TTBK2: variants seen among roughly 807,000 people sequenced by gnomAD.
TTBK2 encodes tau tubulin kinase 2.
A neutral mutation model predicts 110.8 loss-of-function variants in TTBK2; 28 were observed. The observed-to-expected ratio is 0.25, with a 90% confidence interval of 0.19 to 0.35. The LOEUF is 0.35. Among genes scored for constraint, TTBK2 ranks in the 10% least tolerant of loss-of-function variants. The probability of loss-of-function intolerance (pLI) is 1.00; values close to 1 mark genes in which losing one functional copy is unlikely to be tolerated. For missense variants in TTBK2, 1,369 were observed against 1,500.3 expected (o/e 0.91, Z 1.45); for synonymous variants, 532 against 527.3 (o/e 1.01, Z -0.12).
At chr15:42,832,081 G>A (rs1049269373) in intron 4 of TTBK2, among the ~76,000 whole-genome samples, 2 of 151,996 alleles carry the variant, frequency 1.3e-5, no homozygotes, top group Non-Finnish European at 2.9e-5. Context: ...AATTAATTGG[G>A]ATTTACCATA....
intron 10 of TTBK2, among the ~76,000 whole-genome samples, chr15:42,791,173 G>A (rs534532669): frequency 6.6e-6 from 1 of 151,816 alleles, no homozygotes; most frequent in East Asian, 1.9e-4. Flanking sequence ...CGTGAGCCAC[G>A]GTGCCTGGCC....
chr15:42,878,140 A>AT (rs1246280133), intron 2 of TTBK2, among the ~76,000 whole-genome samples: 5 of 146,178 alleles, frequency 3.4e-5, no homozygotes, highest in African/African-American at 7.7e-5. Flanking sequence ...CGCCCAGCTA[A>AT]TTTTTTTTGC....
rs34920950 is a variant in TTBK2 at position 42,817,281 on chromosome 15, T to A, written c.538-184A>T. 0.13 allele frequency among the ~76,000 whole-genome samples: 19,335 copies of A among 147,866 alleles called. 1,382 individuals are homozygous for A. Among genetic ancestry groups the A allele is most frequent in the South Asian group, 0.24 (1,104 of 4,696 alleles). ...AGAGATTATCTCTAAATCACATCTT[T>A]AAAAAAAAAAACTGATAAAATTTTA... On this transcript the variant is annotated intron_variant, in intron 6 of 14. Coordinates refer to ENST00000267890, the MANE Select transcript of TTBK2 (RefSeq NM_173500.4).
At position 42,828,451 on chromosome 15, in the gene TTBK2, C is replaced by T. The variant is rs545426092; in HGVS notation, c.433-419G>A. ...CTATAAGCAGCCAGGTGCGGTGACT[C>T]ACGCCTATACTCCCAGCATTTTGGG... is the stretch of plus-strand genomic sequence containing the variant. On this transcript the variant is annotated intron_variant, in intron 5 of 14. Transcript: ENST00000267890. 2.0e-5 allele frequency among the ~76,000 whole-genome samples: 3 copies of T among 151,202 alleles called. No homozygotes were observed. The East Asian group carries it at 5.8e-4, about 29-fold the overall frequency.
intron 14 of TTBK2, among the ~76,000 whole-genome samples, chr15:42,750,899 G>C (rs567462144): frequency 2.0e-5 from 3 of 152,244 alleles, no homozygotes; most frequent in African/African-American, 7.2e-5. Flanking sequence ...GAAACATTGA[G>C]GCTGGAAGTA....
intron 2 of TTBK2, among the ~76,000 whole-genome samples, chr15:42,874,298 CTTTA>C (rs919151985): frequency 6.6e-6 from 1 of 151,622 alleles, no homozygotes; most frequent in African/African-American, 2.4e-5. Flanking sequence ...CATAATCCTT[CTTTA>C]TTTTTTTATT....
chr15:42,834,514 C>T (rs1345525261), intron 4 of TTBK2, among the ~76,000 whole-genome samples: 2 of 151,984 alleles, frequency 1.3e-5, no homozygotes. Flanking sequence ...CTCAGTGTGG[C>T]ACCAAAAAAT....
intron 13 of TTBK2, among the ~76,000 whole-genome samples, chr15:42,763,163 T>TACATACATATATATATATAC (rs1567008839): frequency 1.0e-3 from 12 of 11,806 alleles, no homozygotes; most frequent in African/African-American, 4.3e-3. Context: ...TATACATATA[T>TACATACATATATATATATAC]ATATATATAT....
At chr15:42,884,200 C>T (rs1294133022) in intron 1 of TTBK2, among the ~76,000 whole-genome samples, 21 of 152,166 alleles carry the variant, frequency 1.4e-4, no homozygotes, top group Admixed American at 1.4e-3. Context: ...CTGAAGACTT[C>T]ACTCTTTTCC....
Position 42,751,926 on chromosome 15 carries a change from A to G in TTBK2, c.3272+48T>C, listed in dbSNP as rs1231951177. 3 of 1,604,070 alleles carry G rather than the reference A, an allele frequency of 1.9e-6. No homozygotes were observed. In the Admixed American group the frequency reaches 5.0e-5, roughly 27 times the overall value. ...ATTGGTGGACTACAATAAAGCAGAT[A>G]TAGAAATGGTGTTACACACTTAACA... On this transcript the variant is annotated intron_variant, in intron 14 of 14. Coordinates refer to ENST00000267890, the MANE Select transcript of TTBK2 (RefSeq NM_173500.4).
chr15:42,911,122 T>C (rs1429712949), intron 1 of TTBK2, among the ~76,000 whole-genome samples: 1 of 151,298 alleles, frequency 6.6e-6, no homozygotes, highest in Non-Finnish European at 1.5e-5. Flanking sequence ...ATACAAAAAA[T>C]TGAACGGGGA....
intron 7 of TTBK2, among the ~76,000 whole-genome samples, chr15:42,815,034 T>C (rs540615789): frequency 6.6e-6 from 1 of 152,212 alleles, no homozygotes; most frequent in Non-Finnish European, 1.5e-5. Flanking sequence ...TTAGAATCCC[T>C]GAAAATACTT....
chr15:42,783,739 A>C, intron 10 of TTBK2, 104 bp from the exon 11 acceptor site: 2 of 821,906 alleles, frequency 2.4e-6, no homozygotes, highest in Non-Finnish European at 3.7e-6. Context: ...CATAATTAAG[A>C]GAGTTAAAAA....
intron 14 of TTBK2, among the ~76,000 whole-genome samples, chr15:42,747,264 C>T (rs2061805354): frequency 6.6e-6 from 1 of 152,162 alleles, no homozygotes; most frequent in Admixed American, 6.5e-5. Context: ...CGTAGTGCCC[C>T]GGCCCTTGGG....
chr15:42,896,015 T>G (rs896182131), intron 1 of TTBK2, among the ~76,000 whole-genome samples: 1 of 152,040 alleles, frequency 6.6e-6, no homozygotes, highest in Admixed American at 6.6e-5. Context: ...TTGACAAAGA[T>G]GCAAAGGCAA....
At chr15:42,828,255 AT>A (rs976465332) in intron 5 of TTBK2, among the ~76,000 whole-genome samples, 1 of 152,112 alleles carries the variant, frequency 6.6e-6, no homozygotes, top group Non-Finnish European at 1.5e-5. Flanking sequence ...AAGGATGTAA[AT>A]GACTAAGGTT....
chr15:42,851,713 T>C (rs1438010401), intron 3 of TTBK2, among the ~76,000 whole-genome samples: 2 of 152,122 alleles, frequency 1.3e-5, no homozygotes, highest in East Asian at 3.8e-4. Context: ...TATATATATC[T>C]ATACATAGAT....
At chr15:42,815,913 A>AATATAT (rs1261885538) in intron 7 of TTBK2, among the ~76,000 whole-genome samples, 1 of 100,808 alleles carries the variant, frequency 9.9e-6, no homozygotes, top group Non-Finnish European at 1.7e-5. Context: ...TATATTTAAA[A>AATATAT]ATATATATAT....
intron 1 of TTBK2, among the ~76,000 whole-genome samples, chr15:42,910,776 T>C (rs1420445429): frequency 1.3e-5 from 2 of 152,232 alleles, no homozygotes; most frequent in African/African-American, 4.8e-5. Context: ...CCTGGCGCAG[T>C]GGCTCATGCC....
Sources: gnomAD v4.1 joint callset for allele counts (sites outside exome capture counted in the v4.1 genomes callset) on GRCh38, gnomAD v4.1.1 for gene constraint, MANE v1.5 for transcripts, NCBI Gene and HGNC (gene_info 2026-07-23, HGNC 2026-07-21) for gene names.